The following HS2ST1 variants were observed in gnomAD, a reference collection of about 807,000 sequenced individuals.
HS2ST1 encodes the protein heparan sulfate 2-O-sulfotransferase 1, also known as 2-O-sulfotransferase.
HS2ST1 carries 18 observed loss-of-function variants against 42.9 expected under a neutral mutation model. The observed-to-expected ratio is 0.42, with a 90% confidence interval of 0.29 to 0.62. The LOEUF is 0.62. HS2ST1 is among the 20% of genes least tolerant of loss of function. The pLI, the probability that HS2ST1 is intolerant of heterozygous loss-of-function variation, is 0.21. For missense variants in HS2ST1, 334 were observed against 433.8 expected (o/e 0.77, Z 2.04); for synonymous variants, 146 against 152.9 (o/e 0.95, Z 0.33).
chr1:87,007,250 G>A (rs962151974), intron 1 of HS2ST1, among the ~76,000 whole-genome samples: 10 of 151,808 alleles, frequency 6.6e-5, no homozygotes, highest in Non-Finnish European at 1.2e-4. Flanking sequence ...GTTCATACAC[G>A]TACTTTCACA....
intron 1 of HS2ST1, among the ~76,000 whole-genome samples, chr1:86,983,780 C>T (rs1486947890): frequency 1.3e-5 from 2 of 151,884 alleles, no homozygotes; most frequent in African/African-American, 2.4e-5. Flanking sequence ...CGGTGGCTCA[C>T]GCCTGTAATC....
intron 1 of HS2ST1, among the ~76,000 whole-genome samples, chr1:86,929,857 A>G (rs903564863): frequency 1.3e-5 from 2 of 151,868 alleles, no homozygotes; most frequent in African/African-American, 4.8e-5. Context: ...CTTTATTTAA[A>G]TTAGGAAAGT....
At chr1:86,921,032 T>C (rs868777297) in intron 1 of HS2ST1, among the ~76,000 whole-genome samples, 1 of 152,342 alleles carries the variant, frequency 6.6e-6, no homozygotes, top group Admixed American at 6.5e-5. Context: ...ATCCATGATA[T>C]ATACATGTTT....
intron 1 of HS2ST1, among the ~76,000 whole-genome samples, chr1:87,050,200 A>G (rs1367158423): frequency 6.6e-6 from 1 of 151,788 alleles, no homozygotes; most frequent in Non-Finnish European, 1.5e-5. Flanking sequence ...TAGTCTGACA[A>G]TCTCAGCCTT....
chr1:87,100,018 A>G (rs1652161946), intron 5 of HS2ST1, among the ~76,000 whole-genome samples: 2 of 152,200 alleles, frequency 1.3e-5, no homozygotes, highest in Non-Finnish European at 2.9e-5. Context: ...TACAGCCCAC[A>G]TGGCTGCTCT....
In HS2ST1 at chr1:87,070,438, A is replaced by G. The variant is rs189152584; in HGVS notation, c.125-2496A>G. ...AAACGCCGTCTCTACAAAAAATACA[A>G]AAATTAGCCAGATGTGATCATGTGC... On this transcript the variant is annotated intron_variant, in intron 1 of 6. Coordinates refer to ENST00000370550, the MANE Select transcript of HS2ST1 (RefSeq NM_012262.4). 2.2e-4 allele frequency among the ~76,000 whole-genome samples: 33 copies of G among 152,132 alleles called. No individual in the cohort carries two copies. In the East Asian group the frequency reaches 6.4e-3, roughly 29 times the overall value.
rs535772200 is a variant in HS2ST1, at chr1:86,992,146, C to G, written c.124+76986C>G. On this transcript the variant is annotated intron_variant, in intron 1 of 6. Coordinates refer to ENST00000370550, the MANE Select transcript of HS2ST1 (RefSeq NM_012262.4). ...CTAATCTGAGGTAGAACAGTTTCAT[C>G]CCAAAACCACTCCTCCCACTCCCCA... Among the ~76,000 whole-genome samples the G allele has an allele frequency of 4.1e-4, 63 of 152,092 alleles. 1 individual carries two copies. In the South Asian group the frequency reaches 0.013, roughly 32 times the overall value.
At position 86,997,199 on chromosome 1, in the gene HS2ST1, G is replaced by A. The variant is rs189482070; in HGVS notation, c.125-75735G>A. Among the ~76,000 whole-genome samples, 33 of 152,260 alleles carry A rather than the reference G, an allele frequency of 2.2e-4. No individual in the cohort carries two copies. The East Asian group carries it at 6.0e-3, about 28-fold the overall frequency. On this transcript the variant is annotated intron_variant, in intron 1 of 6. Coordinates refer to ENST00000370550, the MANE Select transcript of HS2ST1 (RefSeq NM_012262.4). ...GGCTGGTAACGGAGGCCTAATCGTG[G>A]GGGTTGGGGGTGAGAGGAGAACTGC... is the stretch of plus-strand genomic sequence containing the variant.
chr1:87,011,672 A>G (rs998886962), intron 1 of HS2ST1, among the ~76,000 whole-genome samples: 20 of 152,328 alleles, frequency 1.3e-4, no homozygotes, highest in African/African-American at 4.8e-4. Context: ...TAGGACAGCC[A>G]TCTGTCTTAC....
At chr1:86,989,294 C>T (rs1190216803) in intron 1 of HS2ST1, among the ~76,000 whole-genome samples, 1 of 152,194 alleles carries the variant, frequency 6.6e-6, no homozygotes, top group Non-Finnish European at 1.5e-5. Flanking sequence ...ACCTGGACTC[C>T]ACAAGGATAG....
intron 1 of HS2ST1, among the ~76,000 whole-genome samples, chr1:87,024,211 G>C (rs1398972956): frequency 1.3e-5 from 2 of 151,974 alleles, no homozygotes; most frequent in Admixed American, 6.6e-5. Context: ...TTAAGAATCA[G>C]GCAGATCTGG....
intron 1 of HS2ST1, among the ~76,000 whole-genome samples, chr1:86,970,260 C>A (rs1388010747): frequency 6.6e-6 from 1 of 151,902 alleles, no homozygotes; most frequent in East Asian, 1.9e-4. Flanking sequence ...TGCAAATAAA[C>A]ATGATTAAAA....
intron 1 of HS2ST1, among the ~76,000 whole-genome samples, chr1:87,018,316 G>A (rs1310359817): frequency 2.6e-5 from 4 of 152,314 alleles, no homozygotes; most frequent in South Asian, 4.1e-4. Context: ...ATTAAAGGAG[G>A]AAGGGAGCTT....
At chr1:87,004,385 T>C (rs942548518) in intron 1 of HS2ST1, among the ~76,000 whole-genome samples, 1 of 152,180 alleles carries the variant, frequency 6.6e-6, no homozygotes, top group African/African-American at 2.4e-5. Context: ...AGGGAGACTC[T>C]GTCTCAAAAC....
Position 86,961,974 on chromosome 1 carries a change from G to A in HS2ST1, c.124+46814G>A, listed in dbSNP as rs930867371. Among the ~76,000 whole-genome samples, 8 of 151,904 alleles carry A rather than the reference G, an allele frequency of 5.3e-5. No individual in the cohort carries two copies. In the South Asian group the frequency reaches 6.2e-4, roughly 12 times the overall value. On this transcript the variant is annotated intron_variant, in intron 1 of 6. Coordinates refer to ENST00000370550, the MANE Select transcript of HS2ST1 (RefSeq NM_012262.4). ...TTTTATGACTAATATTTCATTATATGTATGTAACTGTTCACCCACTTATCA... is the reference window on the plus strand; with the variant it reads ...TTTTATGACTAATATTTCATTATATATATGTAACTGTTCACCCACTTATCA...
intron 1 of HS2ST1, among the ~76,000 whole-genome samples, chr1:86,915,930 A>AT (rs763646533): frequency 1.5e-4 from 23 of 152,110 alleles, no homozygotes; most frequent in Admixed American, 1.4e-3. Context: ...GCTGAAGGGG[A>AT]ATTATGTAGT....
intron 1 of HS2ST1, among the ~76,000 whole-genome samples, chr1:86,988,096 C>A (rs1369573916): frequency 6.6e-6 from 1 of 152,106 alleles, no homozygotes; most frequent in East Asian, 1.9e-4. Flanking sequence ...AAAGGGTTTT[C>A]TTTTTCAGTT....
In HS2ST1 at chr1:87,022,381, A is replaced by G. The variant is rs567802343; in HGVS notation, c.125-50553A>G. 2.0e-5 allele frequency among the ~76,000 whole-genome samples: 3 copies of G among 152,256 alleles called. No homozygotes were observed. The South Asian group carries it at 6.2e-4, about 32-fold the overall frequency. On this transcript the variant is annotated intron_variant, in intron 1 of 6. Coordinates refer to ENST00000370550, the MANE Select transcript of HS2ST1 (RefSeq NM_012262.4). ...TCAGTTCTGCCATAGTTCAACATAT[A>G]TGTTCCTTGGCTGTGTTAGGCAAAA...
chr1:87,045,346 A>G (rs1650623733), intron 1 of HS2ST1: 1 of 1,311,584 alleles, frequency 7.6e-7, no homozygotes, highest in East Asian at 2.3e-5. Context: ...ACTTCTTGTG[A>G]TTATTAGCTT....
Sources: allele counts gnomAD v4.1 joint callset (sites outside exome capture counted in the v4.1 genomes callset), GRCh38; gene constraint gnomAD v4.1.1; transcripts MANE v1.5; gene names NCBI Gene and HGNC (gene_info 2026-07-23, HGNC 2026-07-21).